Variants in PRRC2B observed in about 807,000 individuals in gnomAD.
PRRC2B encodes proline rich coiled-coil 2B.
A neutral mutation model predicts 242.3 loss-of-function variants in PRRC2B; 68 were observed. That is an observed-to-expected ratio of 0.28 (90% CI 0.23 to 0.34). PRRC2B has a LOEUF of 0.34. PRRC2B is among the 10% of genes least tolerant of loss of function. PRRC2B has a pLI of 1.00. For synonymous variants in PRRC2B, 1,228 were observed against 1,173.6 expected (o/e 1.05, Z -0.95); for missense variants, 2,835 against 2,954.8 (o/e 0.96, Z 0.94).
chr9:131,427,907 T>G (rs1009122442), intron 1 of PRRC2B, among the ~76,000 whole-genome samples: 6 of 152,204 alleles, frequency 3.9e-5, no homozygotes, highest in Admixed American at 2.6e-4. Context: ...TATACAAGTG[T>G]TTTATTTTTT....
At chr9:131,424,676 C>T (rs1235806896) in intron 1 of PRRC2B, among the ~76,000 whole-genome samples, 3 of 151,942 alleles carry the variant, frequency 2.0e-5, no homozygotes, top group Non-Finnish European at 4.4e-5. Context: ...ACAGTGTGAG[C>T]CTCTGTCTCA....
chr9:131,430,259 G>A lies in PRRC2B; in HGVS notation c.115G>A (p.Val39Ile). The A allele has an allele frequency of 6.4e-7, 1 of 1,570,366 alleles. No individual in the cohort carries two copies. The highest frequency in any genetic ancestry group is 8.7e-7 in the Non-Finnish European group (1 of 1,151,176). The change falls in exon 2 of 32, where the codon GTT becomes ATT. Residue 39 changes from valine to isoleucine, a missense_variant and splice_region_variant. By Grantham distance (29) the Val-to-Ile change is conservative (BLOSUM62 3). This residue lies in a region of PRRC2B where 626 missense variants were observed against 685.5 expected (regional missense o/e 0.91). Transcript: ENST00000683519. ...ATCAGTAGACGCGATTAGATCCTCA[G>A]GTAAGGCCCAGGGTTGAAGGCCAGT... is the stretch of plus-strand genomic sequence containing the variant. ...GKSVDAIRSSVIPRHGLQSLG... is the reference protein window; with the variant it reads ...GKSVDAIRSSIIPRHGLQSLG...
chr9:131,401,828 T>C (rs111799157), intron 1 of PRRC2B, among the ~76,000 whole-genome samples: 8,722 of 149,162 alleles, frequency 0.058, 319 homozygotes, highest in Admixed American at 0.11. Context: ...GCCCAGCTAA[T>C]TTTTGTATTT....
intron 13 of PRRC2B, among the ~76,000 whole-genome samples, chr9:131,468,739 G>A (rs900527335): frequency 5.9e-5 from 9 of 152,124 alleles, no homozygotes; most frequent in African/African-American, 7.2e-5. Context: ...ATTTCAAAAC[G>A]TGTGTGCCAT....
chr9:131,417,866 C>T (rs1409628757), intron 1 of PRRC2B, among the ~76,000 whole-genome samples: 3 of 152,204 alleles, frequency 2.0e-5, no homozygotes, highest in Non-Finnish European at 2.9e-5. Context: ...GAGCACCACT[C>T]GACTGCCTTT....
chr9:131,407,624 C>G (rs1837399774), intron 1 of PRRC2B, among the ~76,000 whole-genome samples: 3 of 152,328 alleles, frequency 2.0e-5, no homozygotes, highest in African/African-American at 7.2e-5. Flanking sequence ...AGTCCTTTGG[C>G]CTTTGCTGGA....
chr9:131,420,430 T>C (rs1837770832), intron 1 of PRRC2B, among the ~76,000 whole-genome samples: 1 of 149,306 alleles, frequency 6.7e-6, no homozygotes, highest in African/African-American at 2.5e-5. Context: ...ACCTCTGCTT[T>C]TCTTTTTTCT....
chr9:131,403,034 C>A (rs928701334), intron 1 of PRRC2B, among the ~76,000 whole-genome samples: 1 of 152,236 alleles, frequency 6.6e-6, no homozygotes, highest in Non-Finnish European at 1.5e-5. Flanking sequence ...AAAAGGAGGT[C>A]ATCTCCAGGA....
At position 131,412,471 on chromosome 9, in the gene PRRC2B, C is replaced by T. The variant is rs188605623; in HGVS notation, c.-51-17623C>T. Among the ~76,000 whole-genome samples, 306 of 148,618 alleles carry T rather than the reference C, an allele frequency of 2.1e-3. 1 individual carries two copies. Among genetic ancestry groups the T allele is most frequent in the African/African-American group, 6.9e-3 (285 of 41,292 alleles). On this transcript the variant is annotated intron_variant, in intron 1 of 31. Coordinates refer to ENST00000683519, the MANE Select transcript of PRRC2B (RefSeq NM_013318.4). Reference sequence around the variant, plus strand: ...AATGCTGCCACAGTGCGGGTATGTGCGTGCGTGCGTGCGTGCATGCACACG... The same window carrying T: ...AATGCTGCCACAGTGCGGGTATGTGTGTGCGTGCGTGCGTGCATGCACACG...
At position 131,489,082 on chromosome 9, in the gene PRRC2B, C is replaced by T. The variant is rs572685679; in HGVS notation, c.6225+986C>T. On this transcript the variant is annotated intron_variant, in intron 28 of 31. Coordinates refer to ENST00000683519, the MANE Select transcript of PRRC2B (RefSeq NM_013318.4). Reference sequence around the variant, plus strand: ...ACTCCTGTCTAGGCTTGGCTGCTCCCAGTAGCTGTGGCTCTCGCATAATCT... The same window carrying T: ...ACTCCTGTCTAGGCTTGGCTGCTCCTAGTAGCTGTGGCTCTCGCATAATCT... Among the ~76,000 whole-genome samples, 18 of 152,232 alleles carry T rather than the reference C, an allele frequency of 1.2e-4. No individual in the cohort carries two copies. The South Asian group carries it at 1.5e-3, about 12-fold the overall frequency.
chr9:131,481,756 C>G lies in PRRC2B; in HGVS notation c.4931C>G (p.Ser1644Cys), dbSNP rs1433193271. 6.4e-7 allele frequency: 1 copy of G among 1,566,502 alleles called. No individual in the cohort carries two copies. Among genetic ancestry groups the G allele is most frequent in the Non-Finnish European group, 8.6e-7 (1 of 1,156,542 alleles). Residue 1644 changes from serine to cysteine, a missense_variant, in exon 20 of 32, where the codon TCC becomes TGC. By Grantham distance (112) the Ser-to-Cys change is moderately radical (BLOSUM62 -1). Coordinates refer to ENST00000683519, the MANE Select transcript of PRRC2B (RefSeq NM_013318.4). ...ALPVQAPAND[S>C]WRKAVTAFSS... ...CCTGTGCAGGCCCCAGCCAACGACTCCTGGAGGAAAGCTGTCACTGCCTTC... is the reference window on the plus strand; with the variant it reads ...CCTGTGCAGGCCCCAGCCAACGACTGCTGGAGGAAAGCTGTCACTGCCTTC...
chr9:131,409,169 T>C (rs544747041), intron 1 of PRRC2B, among the ~76,000 whole-genome samples: 19 of 152,098 alleles, frequency 1.2e-4, no homozygotes, highest in African/African-American at 4.6e-4. Context: ...ATTACAGGCA[T>C]GTGCCACGAC....
At chr9:131,480,941 C>CTTGAAG (rs1943842456) in intron 19 of PRRC2B, among the ~76,000 whole-genome samples, 1 of 151,780 alleles carries the variant, frequency 6.6e-6, no homozygotes, top group Non-Finnish European at 1.5e-5. Context: ...GAGGCCAAGG[C>CTTGAAG]TTGAAGATCA....
rs368832758 is a variant in PRRC2B at position 131,432,801 on chromosome 9, G to A, written c.293+7G>A. On this transcript the variant is annotated splice_region_variant and intron_variant, in intron 3 of 31. Transcript: ENST00000683519. ...ATCAGCAAGACCCAAAGAGGTAAAC[G>A]GAGGAGGCGGGTGGTGAGTGGGAGC... is the stretch of plus-strand genomic sequence containing the variant. 90 of 1,613,222 alleles carry A rather than the reference G, an allele frequency of 5.6e-5. 1 individual carries two copies. The South Asian group carries it at 5.9e-4, about 11-fold the overall frequency.
intron 1 of PRRC2B, among the ~76,000 whole-genome samples, chr9:131,400,578 A>G (rs746561796): frequency 6.6e-6 from 1 of 152,058 alleles, no homozygotes; most frequent in African/African-American, 2.4e-5. Flanking sequence ...TTGGCCTCCC[A>G]AAGTGCTGGG....
At position 131,498,922 on chromosome 9, in the gene PRRC2B, C is replaced by T. The variant is rs1944398871; in HGVS notation, c.*3048C>T. The T allele has an allele frequency of 1.3e-5, 2 of 152,158 alleles. No individual in the cohort carries two copies. Among genetic ancestry groups the T allele is most frequent in the Non-Finnish European group, 2.9e-5 (2 of 68,032 alleles). 9.4% of individuals were successfully genotyped at this position (152,158 alleles called of 1,614,324 possible). ...CATCTACCCACTGGGGACTTCAATG[C>T]CAGCTGCATTTGGTTTGGTTTTCTT... On this transcript the variant is annotated 3_prime_UTR_variant, in exon 32 of 32. Coordinates refer to ENST00000683519, the MANE Select transcript of PRRC2B (RefSeq NM_013318.4).
intron 3 of PRRC2B, among the ~76,000 whole-genome samples, chr9:131,435,654 T>C (rs540950289): frequency 8.7e-4 from 132 of 151,912 alleles, no homozygotes; most frequent in Admixed American, 1.5e-3. Context: ...AAAATTCTTA[T>C]TGCAGTTGTA....
Position 131,477,782 on chromosome 9 carries a change from G to A in PRRC2B, c.4445G>A (p.Cys1482Tyr), listed in dbSNP as rs766334554. Reference sequence around the variant, plus strand: ...GCCTTGCCTGGAGGTCTTAGTGGCTGCAGCAGTGGGAGTGGCCACTCCCCC... The same window carrying A: ...GCCTTGCCTGGAGGTCTTAGTGGCTACAGCAGTGGGAGTGGCCACTCCCCC... ...DEALPGGLSG[C>Y]SSGSGHSPYA... Residue 1482 changes from cysteine (C) to tyrosine (Y), a missense_variant, in exon 17 of 32, where the codon TGC becomes TAC. Physicochemically the swap from Cys to Tyr is radical, Grantham distance 194 (BLOSUM62 -2). Around this residue, in one of 7 missense-constraint regions of PRRC2B, gnomAD observed 1,536 missense variants for 1,483.1 expected, o/e 1.04. Coordinates refer to ENST00000683519, the MANE Select transcript of PRRC2B (RefSeq NM_013318.4). The A allele has an allele frequency of 6.2e-7, 1 of 1,610,718 alleles. No individual in the cohort carries two copies. The highest frequency in any genetic ancestry group is 8.5e-7 in the Non-Finnish European group (1 of 1,178,780).
intron 14 of PRRC2B, among the ~76,000 whole-genome samples, chr9:131,472,420 T>G (rs941634566): frequency 1.3e-5 from 2 of 151,162 alleles, no homozygotes; most frequent in Middle Eastern, 3.4e-3. Flanking sequence ...TTCTTCTGCC[T>G]CAGCCTCCCA....
Sources: gnomAD v4.1 joint callset for allele counts (sites outside exome capture counted in the v4.1 genomes callset) on GRCh38, gnomAD v4.1.1 for gene constraint, gnomAD v4.1.1 regional missense constraint, MANE v1.5 for transcripts, NCBI Gene and HGNC (gene_info 2026-07-23, HGNC 2026-07-21) for gene names.